FAR1: variants seen among roughly 807,000 people sequenced by gnomAD.
The protein encoded by FAR1 is fatty acyl-CoA reductase 1.
FAR1 carries 22 observed loss-of-function variants against 61.1 expected under a neutral mutation model. The ratio of observed to expected loss-of-function variants is 0.36; its 90% confidence interval spans 0.26 to 0.51. The LOEUF (loss-of-function observed/expected upper bound fraction) is 0.51, where lower values mean the gene tolerates loss of function less well. Ranked by LOEUF, FAR1 falls within the 20% of genes least tolerant of loss-of-function variation. The pLI is 0.95. For synonymous variants in FAR1, 206 were observed against 209.7 expected, an observed-to-expected ratio of 0.98 and a Z score of 0.15; for missense variants, 359 against 626.9, an observed-to-expected ratio of 0.57 and a Z score of 4.56.
At chr11:13,681,660 A>G (rs976406696) in intron 1 of FAR1, among the ~76,000 whole-genome samples, 5 of 152,220 alleles carry the variant, frequency 3.3e-5, no homozygotes, top group Admixed American at 2.6e-4. Context: ...AGGAAGCCCA[A>G]ACTATCTCAT....
rs1426711118 is a variant in FAR1 at position 13,727,768 on chromosome 11, A to G, written c.1385+85A>G. The G allele has an allele frequency of 4.2e-5, 52 of 1,246,976 alleles. 1 individual carries two copies. In the East Asian group the frequency reaches 1.0e-3, roughly 24 times the overall value. 77.2% of individuals were successfully genotyped at this position (1,246,976 alleles called of 1,614,324 possible). A position where few individuals can be genotyped will look rare whatever the true frequency, so the allele number is the denominator to read the frequency against. The stretch of plus-strand genomic sequence containing the variant: ...TTTTTGGTAAACTGGTATATTTGCT[A>G]TATCTGTCATTCAAAGATGCAGATA... On this transcript the variant is annotated intron_variant, in intron 11 of 11. Coordinates refer to ENST00000354817, the MANE Select transcript of FAR1 (RefSeq NM_032228.6).
At chr11:13,669,050 C>A (rs577855543) in intron 1 of FAR1, among the ~76,000 whole-genome samples, 1 of 152,266 alleles carries the variant, frequency 6.6e-6, no homozygotes, top group African/African-American at 2.4e-5. Context: ...GGGGGACGTA[C>A]GGTGGGGCCT....
intron 1 of FAR1, among the ~76,000 whole-genome samples, chr11:13,689,566 TTGGGCCAACAAAAA>T (rs1305466682): frequency 6.6e-6 from 1 of 152,204 alleles, no homozygotes; most frequent in Non-Finnish European, 1.5e-5. Flanking sequence ...GGGTTTTATT[TTGGGCCAACAAAAA>T]TGGTGCTGTT....
At chr11:13,719,794 C>G in intron 9 of FAR1, 1 of 151,940 alleles carries the variant, frequency 6.6e-6, no homozygotes, top group East Asian at 1.9e-4. Context: ...GCCCTCCACA[C>G]GAAAGAATGA....
intron 1 of FAR1, among the ~76,000 whole-genome samples, chr11:13,689,459 ATG>A (rs749163370): frequency 5.9e-5 from 9 of 152,142 alleles, no homozygotes; most frequent in Non-Finnish European, 1.0e-4. Flanking sequence ...ATCCCTCCAC[ATG>A]TGTTTTAGCG....
At chr11:13,689,208 A>G (rs1450015786) in intron 1 of FAR1, among the ~76,000 whole-genome samples, 1 of 152,222 alleles carries the variant, frequency 6.6e-6, no homozygotes, top group African/African-American at 2.4e-5. Context: ...AAGTCCATAT[A>G]TTCGAAGTGG....
chr11:13,728,906 G>T lies in FAR1; in HGVS notation c.*132G>T, dbSNP rs182032746. 34 of 796,526 alleles carry T rather than the reference G, an allele frequency of 4.3e-5. 1 individual carries two copies. In the Middle Eastern group the frequency reaches 1.7e-3, roughly 40 times the overall value. 49.3% of individuals were successfully genotyped at this position (796,526 alleles called of 1,614,324 possible). ...AGATCGGAGTGTGAAGTAAATTATG[G>T]TATATTTTATGTAACATTTTAATGT... is the stretch of plus-strand genomic sequence containing the variant. On this transcript the variant is annotated 3_prime_UTR_variant, in exon 12 of 12. Transcript: ENST00000354817.
intron 1 of FAR1, among the ~76,000 whole-genome samples, chr11:13,683,370 C>T (rs1332104602): frequency 6.6e-6 from 1 of 151,180 alleles, no homozygotes; most frequent in Non-Finnish European, 1.5e-5. Flanking sequence ...TCCAGCCTGG[C>T]TGACAGAACA....
At chr11:13,672,504 C>T (rs60452657) in intron 1 of FAR1, among the ~76,000 whole-genome samples, 13,400 of 149,336 alleles carry the variant, frequency 0.09, 690 homozygotes, top group Middle Eastern at 0.14. Flanking sequence ...TTGATCATGC[C>T]GCTGTACTCC....
At chr11:13,708,447 G>GCGCGCACACACACACACACA (rs139902063) in intron 4 of FAR1, among the ~76,000 whole-genome samples, 80 of 136,708 alleles carry the variant, frequency 5.9e-4, no homozygotes, top group Admixed American at 9.3e-4. Flanking sequence ...GCGCGCGCGC[G>GCGCGCACACACACACACACA]CACACACACA....
At chr11:13,728,540 T>C (rs1848689668) in intron 11 of FAR1, 72 bp from the exon 12 acceptor site, 1 of 1,355,986 alleles carries the variant, frequency 7.4e-7, no homozygotes, top group East Asian at 2.3e-5. Context: ...AACTCAGTAT[T>C]AATTAGCTGC....
rs527537418 is a variant in FAR1, at chr11:13,731,101, C to T, written c.*2327C>T. 1.0e-4 allele frequency: 16 copies of T among 152,434 alleles called. No homozygotes were observed. Among genetic ancestry groups the T allele is most frequent in the African/African-American group, 3.6e-4 (15 of 41,566 alleles). 9.4% of individuals were successfully genotyped at this position (152,434 alleles called of 1,614,324 possible). On this transcript the variant is annotated 3_prime_UTR_variant, in exon 12 of 12. Transcript: ENST00000354817. ...ATTTCACTTAACTCATTTGATTAAA[C>T]TGTATTCTAAAACATTTGGGGTTTT...
intron 1 of FAR1, among the ~76,000 whole-genome samples, chr11:13,687,583 C>A (rs1219174274): frequency 6.6e-6 from 1 of 152,190 alleles, no homozygotes; most frequent in East Asian, 1.9e-4. Context: ...TAGGACAAGT[C>A]TGAACTTCCC....
intron 9 of FAR1, among the ~76,000 whole-genome samples, chr11:13,719,522 A>T (rs1190295310): frequency 6.6e-6 from 1 of 152,190 alleles, no homozygotes; most frequent in Non-Finnish European, 1.5e-5. Context: ...TGTTTACATA[A>T]TAATTCTGAA....
intron 5 of FAR1, 181 bp downstream of exon 5, chr11:13,711,051 C>T (rs771776356): frequency 3.2e-5 from 18 of 557,508 alleles, no homozygotes; most frequent in East Asian, 2.2e-4. Flanking sequence ...TATAATGTGA[C>T]GCTGGGTATA....
chr11:13,728,119 TA>T (rs1231775002), intron 11 of FAR1, among the ~76,000 whole-genome samples: 1 of 151,954 alleles, frequency 6.6e-6, no homozygotes, highest in Non-Finnish European at 1.5e-5. Context: ...ATTACATCTC[TA>T]AAGGTTTGTA....
chr11:13,685,630 A>C (rs2134173406), intron 1 of FAR1: 1 of 199,832 alleles, frequency 5.0e-6, no homozygotes, highest in African/African-American at 2.3e-5. Flanking sequence ...GAAACACTTA[A>C]TCCGGAAACT....
intron 8 of FAR1, among the ~76,000 whole-genome samples, chr11:13,713,697 C>A (rs189571572): frequency 4.0e-5 from 6 of 151,744 alleles, no homozygotes; most frequent in African/African-American, 1.5e-4. Flanking sequence ...GATTAATTAC[C>A]CCTGCAGAAC....
intron 1 of FAR1, among the ~76,000 whole-genome samples, chr11:13,688,443 G>C (rs567666128): frequency 6.6e-6 from 1 of 152,176 alleles, no homozygotes; most frequent in South Asian, 2.1e-4. Context: ...TTTAGGCTTT[G>C]GTAGGGCAGA....
Sources: gnomAD v4.1 joint callset for allele counts (sites outside exome capture counted in the v4.1 genomes callset) on GRCh38, gnomAD v4.1.1 for gene constraint, MANE v1.5 for transcripts, NCBI Gene and HGNC (gene_info 2026-07-23, HGNC 2026-07-21) for gene names.